The following LRRTM4 variants were observed in gnomAD, a reference collection of about 807,000 sequenced individuals.
The protein encoded by LRRTM4 is leucine rich repeat transmembrane neuronal 4.
LRRTM4 carries 25 observed loss-of-function variants against 47.6 expected under a neutral mutation model. That is an observed-to-expected ratio of 0.53 (90% CI 0.38 to 0.73). LRRTM4 has a LOEUF of 0.73. Among genes scored for constraint, LRRTM4 ranks in the 30% least tolerant of loss-of-function variants. The pLI is 0.00. For synonymous variants in LRRTM4, 311 were observed against 269.5 expected (o/e 1.15, Z -1.51); for missense variants, 638 against 713.4 (o/e 0.89, Z 1.20).
intron 3 of LRRTM4, among the ~76,000 whole-genome samples, chr2:76,937,834 G>A (rs1180778845): frequency 1.3e-5 from 2 of 151,982 alleles, no homozygotes; most frequent in East Asian, 3.9e-4. Flanking sequence ...CCAAAGTGCT[G>A]GGATTACAGG....
chr2:77,208,481 C>G (rs1674203145), intron 3 of LRRTM4, among the ~76,000 whole-genome samples: 1 of 152,122 alleles, frequency 6.6e-6, no homozygotes, highest in Non-Finnish European at 1.5e-5. Flanking sequence ...AATGATACTT[C>G]CACTCACTGA....
Position 77,075,309 on chromosome 2 carries a change from C to G in LRRTM4, c.1552-326393G>C, listed in dbSNP as rs561712206. 3.3e-5 allele frequency among the ~76,000 whole-genome samples: 5 copies of G among 152,246 alleles called. No individual in the cohort carries two copies. The East Asian group carries it at 7.7e-4, about 24-fold the overall frequency. ...AACTTGTAAATGTTAGGCTTAACCACAAATTAATTGGAAGTCTGTGTCAGT... is the reference window on the plus strand; with the variant it reads ...AACTTGTAAATGTTAGGCTTAACCAGAAATTAATTGGAAGTCTGTGTCAGT... On this transcript the variant is annotated intron_variant, in intron 3 of 3. Transcript: ENST00000409884.
intron 3 of LRRTM4, among the ~76,000 whole-genome samples, chr2:76,907,779 C>T (rs963112861): frequency 7.6e-6 from 1 of 131,504 alleles, no homozygotes; most frequent in Admixed American, 7.9e-5. Context: ...TACACTCTCC[C>T]AAGACTAAAC....
intron 3 of LRRTM4, among the ~76,000 whole-genome samples, chr2:76,942,674 A>ATGTGTGTGTGTGTGTG (rs750604219): frequency 0.025 from 3,022 of 123,274 alleles, 56 homozygotes; most frequent in African/African-American, 0.054. Flanking sequence ...ACCTCTAGGA[A>ATGTGTGTGTGTGTGTG]TCTGTGTGTG....
In LRRTM4 at chr2:77,519,540, C is replaced by T. The variant is rs1354524279; in HGVS notation, c.329G>A (p.Arg110Lys). 2 of 1,613,396 alleles carry T rather than the reference C, an allele frequency of 1.2e-6. No homozygotes were observed. The highest frequency in any genetic ancestry group is 3.3e-5 in the Admixed American group (2 of 59,874). ...VDEDAFQGIR[R>K]LKELILSSNK... ...GGAGCTTAGAATTAATTCTTTCAGT[C>T]TACGGATCCCTTGAAATGCATCTTC... is the stretch of plus-strand genomic sequence containing the variant. Residue 110 changes from arginine (R) to lysine (K), a missense_variant, in exon 3 of 4, where the codon AGA becomes AAA. Transcript: ENST00000409884. The surrounding 1 kb of genome is among the most constrained non-coding windows in gnomAD (Gnocchi z 4.6).
intron 3 of LRRTM4, among the ~76,000 whole-genome samples, chr2:77,466,043 C>T (rs1000614709): frequency 1.1e-4 from 17 of 152,234 alleles, no homozygotes; most frequent in African/African-American, 3.1e-4. Context: ...CCTAAGCAGC[C>T]GTGACTCCTT....
chr2:77,090,056 G>A (rs536496201), intron 3 of LRRTM4, among the ~76,000 whole-genome samples: 1 of 152,032 alleles, frequency 6.6e-6, no homozygotes, highest in Admixed American at 6.5e-5. Context: ...TGCTCCCCAG[G>A]CTGCTCCTCG....
intron 3 of LRRTM4, among the ~76,000 whole-genome samples, chr2:76,893,973 A>G (rs2103721542): frequency 6.6e-6 from 1 of 152,040 alleles, no homozygotes; most frequent in Non-Finnish European, 1.5e-5. Flanking sequence ...CATGAGGATA[A>G]GTTTGACACA....
At chr2:77,207,858 G>A (rs1271004849) in intron 3 of LRRTM4, among the ~76,000 whole-genome samples, 1 of 138,158 alleles carries the variant, frequency 7.2e-6, no homozygotes, top group East Asian at 2.2e-4. Flanking sequence ...TTGAATAAGG[G>A]AAAGTGGCTT....
chr2:76,806,543 T>C (rs1177261889), intron 3 of LRRTM4, among the ~76,000 whole-genome samples: 1 of 152,144 alleles, frequency 6.6e-6, no homozygotes, highest in Non-Finnish European at 1.5e-5. Context: ...ATCACGTCAT[T>C]GCACTCCAGC....
intron 3 of LRRTM4, among the ~76,000 whole-genome samples, chr2:77,448,719 G>A (rs762036881): frequency 1.1e-4 from 16 of 152,146 alleles, no homozygotes; most frequent in Admixed American, 2.0e-4. Context: ...ATACCAGGTT[G>A]TACAGTGATC....
At chr2:77,158,360 A>T (rs1198510005) in intron 3 of LRRTM4, among the ~76,000 whole-genome samples, 3 of 152,202 alleles carry the variant, frequency 2.0e-5, no homozygotes, top group Non-Finnish European at 4.4e-5. Context: ...ATATGTGGTT[A>T]AAAACTATGT....
At position 76,782,091 on chromosome 2, in the gene LRRTM4, TAG is replaced by T. The variant is rs537956786; in HGVS notation, c.1552-33177_1552-33176del. 4.4e-3 allele frequency among the ~76,000 whole-genome samples: 675 copies of T among 152,308 alleles called. 5 individuals carry two copies. The highest frequency in any genetic ancestry group is 0.016 in the African/African-American group (645 of 41,570). On this transcript the variant is annotated intron_variant, in intron 3 of 3. Transcript: ENST00000409884. Reference sequence around the variant, plus strand: ...ACTTCATTTTTTCCTCAAATTATATTAGAGTCCATATGTATGCCTTTCTTATA... The same window carrying T: ...ACTTCATTTTTTCCTCAAATTATATTAGTCCATATGTATGCCTTTCTTATA...
At chr2:77,178,024 C>T (rs750711292) in intron 3 of LRRTM4, among the ~76,000 whole-genome samples, 45 of 152,126 alleles carry the variant, frequency 3.0e-4, no homozygotes, top group Admixed American at 5.9e-4. Flanking sequence ...TCAACAATGA[C>T]CTCCTTCATA....
Position 76,801,848 on chromosome 2 carries a change from A to G in LRRTM4, c.1552-52932T>C, listed in dbSNP as rs189818385. Among the ~76,000 whole-genome samples the G allele has an allele frequency of 5.3e-4, 80 of 152,280 alleles. 1 individual carries two copies. In the East Asian group the frequency reaches 0.011, roughly 22 times the overall value. Reference sequence around the variant, plus strand: ...AAAATGTATAAATGTGATATGCCACATTAACACAATGAAGGACAAACACCA... The same window carrying G: ...AAAATGTATAAATGTGATATGCCACGTTAACACAATGAAGGACAAACACCA... On this transcript the variant is annotated intron_variant, in intron 3 of 3. Transcript: ENST00000409884.
intron 3 of LRRTM4, among the ~76,000 whole-genome samples, chr2:77,313,280 G>C (rs1309911783): frequency 6.7e-6 from 1 of 149,944 alleles, no homozygotes; most frequent in Admixed American, 6.6e-5. Context: ...TTGCTGGGAT[G>C]TGCCCCCCTA....
chr2:77,276,808 G>A (rs1676373150), intron 3 of LRRTM4, among the ~76,000 whole-genome samples: 1 of 147,210 alleles, frequency 6.8e-6, no homozygotes, highest in Non-Finnish European at 1.5e-5. Context: ...AAGCTTAGAA[G>A]GAAGAACAGA....
intron 3 of LRRTM4, among the ~76,000 whole-genome samples, chr2:76,899,757 G>T (rs62170286): frequency 0.14 from 22,002 of 151,992 alleles, 2,010 homozygotes; most frequent in Admixed American, 0.22. Context: ...AAATTAAAAG[G>T]CAAAAACAGG....
intron 3 of LRRTM4, among the ~76,000 whole-genome samples, chr2:76,908,654 A>T (rs1673938512): frequency 6.6e-6 from 1 of 152,220 alleles, no homozygotes; most frequent in Admixed American, 6.5e-5. Context: ...GTTTCAGGAC[A>T]CAAAATCTCT....
Sources: allele counts gnomAD v4.1 joint callset (sites outside exome capture counted in the v4.1 genomes callset), GRCh38; gene constraint gnomAD v4.1.1; non-coding constraint Gnocchi (gnomAD v3.1); transcripts MANE v1.5; gene names NCBI Gene and HGNC (gene_info 2026-07-23, HGNC 2026-07-21).